The following PCDHGC3 variants were observed in gnomAD, a reference collection of about 807,000 sequenced individuals.
PCDHGC3 encodes protocadherin gamma-C3.
In PCDHGC3, 26 loss-of-function variants were observed where a neutral mutation model predicts 59.2. That is an observed-to-expected ratio of 0.44 (90% CI 0.32 to 0.61). PCDHGC3 has a LOEUF of 0.61. Among genes scored for constraint, PCDHGC3 ranks in the 20% least tolerant of loss-of-function variants. PCDHGC3 has a pLI of 0.05. For synonymous variants in PCDHGC3, 487 were observed against 519.7 expected, an observed-to-expected ratio of 0.94 and a Z score of 0.86; for missense variants, 1,080 against 1,221.8, an observed-to-expected ratio of 0.88 and a Z score of 1.73.
At chr5:141,484,912 T>G (rs1594427765) in intron 1 of PCDHGC3, 1 of 437,066 alleles carries the variant, frequency 2.3e-6, no homozygotes, top group East Asian at 4.0e-5. Flanking sequence ...TGCGACGCAT[T>G]AACCCTGCTG....
chr5:141,494,537 G>C (rs2099755111), intron 1 of PCDHGC3, among the ~76,000 whole-genome samples: 1 of 152,168 alleles, frequency 6.6e-6, no homozygotes, highest in Non-Finnish European at 1.5e-5. Flanking sequence ...TGGGGGCAGG[G>C]AGGAAGGGGC....
intron 1 of PCDHGC3, among the ~76,000 whole-genome samples, chr5:141,479,077 A>G (rs1393042749): frequency 6.6e-6 from 1 of 152,224 alleles, no homozygotes; most frequent in Non-Finnish European, 1.5e-5. Context: ...ATGAAATGAA[A>G]TTCCAGGCAT....
In PCDHGC3 at chr5:141,490,211, ACCAGGGACAG is replaced by A. The variant is rs1259297201; in HGVS notation, c.2431-4593_2431-4584del. 1 of 1,614,212 alleles carries A rather than the reference ACCAGGGACAG, an allele frequency of 6.2e-7. No individual in the cohort carries two copies. ...TATGAAATTCATGCAAGAGCCCGTG[ACCAGGGACAG>A]CCTGCCATGGAGGGCCACTGTGTGA... is the stretch of plus-strand genomic sequence containing the variant. On this transcript the variant is annotated intron_variant, in intron 1 of 3. Transcript: ENST00000308177. The surrounding 1 kb of genome is among the most constrained non-coding windows in gnomAD (Gnocchi z 5.4).
chr5:141,485,995 T>G lies in PCDHGC3; in HGVS notation c.2430+7449T>G. 1 of 1,614,176 alleles carries G rather than the reference T, an allele frequency of 6.2e-7. No individual in the cohort carries two copies. On this transcript the variant is annotated intron_variant, in intron 1 of 3. Transcript: ENST00000308177. The surrounding 1 kb of genome is among the most constrained non-coding windows in gnomAD (Gnocchi z 5.7). ...CCTCAGACCCGGACCTGGGTCCCAG[T>G]GGTAACGTCACCTTTTATTTCAGTG...
In PCDHGC3 at chr5:141,485,818, C is replaced by T; in HGVS notation, c.2430+7272C>T. 6 of 1,613,912 alleles carry T rather than the reference C, an allele frequency of 3.7e-6. No homozygotes were observed. The highest frequency in any genetic ancestry group is 5.1e-6 in the Non-Finnish European group (6 of 1,179,974). On this transcript the variant is annotated intron_variant, in intron 1 of 3. Transcript: ENST00000308177. This position sits in a 1 kb window ranked among gnomAD's most constrained non-coding sequence, Gnocchi z 5.7. ...ACTACCGCCTGGTGCTGACTGCTGTCGATGGAGGGAACCCGCCGAGATCTG... is the reference window on the plus strand; with the variant it reads ...ACTACCGCCTGGTGCTGACTGCTGTTGATGGAGGGAACCCGCCGAGATCTG...
intron 2 of PCDHGC3, among the ~76,000 whole-genome samples, chr5:141,496,500 C>T (rs1350421492): frequency 6.6e-6 from 1 of 152,162 alleles, no homozygotes; most frequent in Non-Finnish European, 1.5e-5. Flanking sequence ...ACCCTTGTTG[C>T]CACAAGGACC....
In PCDHGC3 at chr5:141,477,767, A is replaced by G. The variant is rs1178354274; in HGVS notation, c.1651A>G (p.Ile551Val). 6.2e-7 allele frequency: 1 copy of G among 1,613,906 alleles called. No homozygotes were observed. The highest frequency in any genetic ancestry group is 8.5e-7 in the Non-Finnish European group (1 of 1,180,038). Residue 551 changes from isoleucine to valine, a missense_variant, in exon 1 of 4, where the codon ATC (isoleucine) becomes GTC (valine). By Grantham distance (29) the Ile-to-Val change is conservative. Coordinates refer to ENST00000308177, the MANE Select transcript of PCDHGC3 (RefSeq NM_002588.4). The surrounding 1 kb of genome is among the most constrained non-coding windows in gnomAD (Gnocchi z 4.9). ...DGGTPVLATNISVNIFVTDRN... is the reference protein window; with the variant it reads ...DGGTPVLATNVSVNIFVTDRN... ...GGGCACCCCGGTCCTAGCCACCAAC[A>G]TCAGCGTGAACATATTTGTCACTGA...
At chr5:141,501,871 C>T (rs562714939) in intron 2 of PCDHGC3, among the ~76,000 whole-genome samples, 3 of 152,244 alleles carry the variant, frequency 2.0e-5, no homozygotes, top group African/African-American at 7.2e-5. Context: ...CAGGACGCCT[C>T]CTTACACTCC....
In PCDHGC3 at chr5:141,485,472, C is replaced by T. The variant is rs1185020546; in HGVS notation, c.2430+6926C>T. On this transcript the variant is annotated intron_variant, in intron 1 of 3. Transcript: ENST00000308177. This position sits in a 1 kb window ranked among gnomAD's most constrained non-coding sequence, Gnocchi z 5.7. The stretch of plus-strand genomic sequence containing the variant: ...CGAGAGGCACTGTGTGGGCTCAGTG[C>T]CAGCTGCATCGTGCCCCTGGAGTTT... The T allele has an allele frequency of 3.1e-6, 5 of 1,614,138 alleles. No individual in the cohort carries two copies. In the South Asian group the frequency reaches 5.5e-5, roughly 18 times the overall value.
At chr5:141,508,760 T>A (rs1004267844) in intron 3 of PCDHGC3, among the ~76,000 whole-genome samples, 17 of 151,522 alleles carry the variant, frequency 1.1e-4, no homozygotes, top group Admixed American at 1.1e-3. Flanking sequence ...CTCTGGCGCC[T>A]CTGAGGTCCC....
In PCDHGC3 at chr5:141,505,414, C is replaced by T. The variant is rs373956550; in HGVS notation, c.2511C>T (p.Thr837=). The T allele has an allele frequency of 3.0e-5, 48 of 1,614,046 alleles. No homozygotes were observed. In the African/African-American group the frequency reaches 3.1e-4, roughly 10 times the overall value. The change falls in exon 3 of 4, where the codon ACC becomes ACT. Residue 837 remains threonine (T), a synonymous_variant. Transcript: ENST00000308177. ...CCAGCTCCCAAAATGGCGATGACACCGGCACCTGGCCCAACAACCAGTTTG... is the reference window on the plus strand; with the variant it reads ...CCAGCTCCCAAAATGGCGATGACACTGGCACCTGGCCCAACAACCAGTTTG... ...GTSGSQNGDD[T]GTWPNNQFDT...
rs781346812 is a variant in PCDHGC3, at chr5:141,489,773, T to A, written c.2431-5034T>A. 6.2e-7 allele frequency: 1 copy of A among 1,614,102 alleles called. No individual in the cohort carries two copies. The highest frequency in any genetic ancestry group is 8.5e-7 in the Non-Finnish European group (1 of 1,179,984). ...TACACTCTAAGCCCCAACAGCCACT[T>A]CTCTCTGAATGTGAAGACCCTAAAA... is the stretch of plus-strand genomic sequence containing the variant. On this transcript the variant is annotated intron_variant, in intron 1 of 3. Transcript: ENST00000308177. The surrounding 1 kb of genome is among the most constrained non-coding windows in gnomAD (Gnocchi z 4.5).
At chr5:141,508,123 G>A (rs989767852) in intron 3 of PCDHGC3, 1 of 152,616 alleles carries the variant, frequency 6.6e-6, no homozygotes, top group Non-Finnish European at 1.5e-5. Context: ...GAGGACAGAG[G>A]GAGGTCAGGG....
chr5:141,476,564 C>G lies in PCDHGC3; in HGVS notation c.448C>G (p.Pro150Ala), dbSNP rs2099393821. 1.2e-6 allele frequency: 2 copies of G among 1,614,196 alleles called. No individual in the cohort carries two copies. Among genetic ancestry groups the G allele is most frequent in the South Asian group, 1.1e-5 (1 of 91,086 alleles). ...MKLEISEAVA[P>A]GTRFPLESAH... ...ATTGGAGATTAGCGAGGCCGTGGCT[C>G]CGGGGACGCGCTTTCCGCTCGAGAG... Residue 150 changes from proline (P) to alanine (A), a missense_variant, in exon 1 of 4, where the codon CCG (proline) becomes GCG (alanine). Coordinates refer to ENST00000308177, the MANE Select transcript of PCDHGC3 (RefSeq NM_002588.4). This position sits in a 1 kb window ranked among gnomAD's most constrained non-coding sequence, Gnocchi z 7.6.
chr5:141,505,259 C>A, intron 2 of PCDHGC3, 134 bp from the exon 3 acceptor site: 1 of 1,500,262 alleles, frequency 6.7e-7, no homozygotes, highest in Non-Finnish European at 8.9e-7. Context: ...GTGCCTCCTA[C>A]CTTGCTGAGA....
At chr5:141,494,770 C>A (rs767006872) in intron 1 of PCDHGC3, 37 bp from the exon 2 acceptor site, 14 of 1,613,904 alleles carry the variant, frequency 8.7e-6, no homozygotes, top group Non-Finnish European at 1.1e-5. Flanking sequence ...TAACTTCTCA[C>A]GGGTACTCAG....
Position 141,490,440 on chromosome 5 carries a change from T to G in PCDHGC3, c.2431-4367T>G, listed in dbSNP as rs560525159. The G allele has an allele frequency of 6.2e-7, 1 of 1,614,206 alleles. No individual in the cohort carries two copies. The highest frequency in any genetic ancestry group is 1.7e-5 in the Admixed American group (1 of 60,026). On this transcript the variant is annotated intron_variant, in intron 1 of 3. Transcript: ENST00000308177. This position sits in a 1 kb window ranked among gnomAD's most constrained non-coding sequence, Gnocchi z 5.4. ...ACCTGCCATTTCAGATTAAGCCTTCTGAGAACCACTACTCGCTGCTAACCA... is the reference window on the plus strand; with the variant it reads ...ACCTGCCATTTCAGATTAAGCCTTCGGAGAACCACTACTCGCTGCTAACCA...
In PCDHGC3 at chr5:141,491,835, G is replaced by C; in HGVS notation, c.2431-2972G>C. On this transcript the variant is annotated intron_variant, in intron 1 of 3. Coordinates refer to ENST00000308177, the MANE Select transcript of PCDHGC3 (RefSeq NM_002588.4). The surrounding 1 kb of genome is among the most constrained non-coding windows in gnomAD (Gnocchi z 6.9). The stretch of plus-strand genomic sequence containing the variant: ...GCTGGCTGCGCTCCACCCGATTCTC[G>C]GGATCATTGGACCGTTTGCGCGAAA... 1 of 1,473,258 alleles carries C rather than the reference G, an allele frequency of 6.8e-7. No individual in the cohort carries two copies. The highest frequency in any genetic ancestry group is 9.0e-7 in the Non-Finnish European group (1 of 1,112,098). The allele number at this position is 1,473,258 out of a possible 1,614,324, so 91.3% of individuals were successfully genotyped here.
intron 1 of PCDHGC3, among the ~76,000 whole-genome samples, chr5:141,484,760 A>G (rs1472178052): frequency 2.0e-5 from 3 of 151,880 alleles, no homozygotes; most frequent in South Asian, 2.1e-4. Flanking sequence ...GTATATATAT[A>G]TATATGTTGT....
Sources: allele counts gnomAD v4.1 joint callset (sites outside exome capture counted in the v4.1 genomes callset), GRCh38; gene constraint gnomAD v4.1.1; non-coding constraint Gnocchi (gnomAD v3.1); transcripts MANE v1.5; gene names NCBI Gene and HGNC (gene_info 2026-07-23, HGNC 2026-07-21).